COL27A1: variants seen among roughly 807,000 people sequenced by gnomAD.
COL27A1 encodes collagen type XXVII alpha 1 chain, also known as collagen alpha-1(XXVII) chain.
COL27A1 carries 106 observed loss-of-function variants against 251.3 expected under a neutral mutation model. The observed-to-expected ratio is 0.42, with a 90% CI of 0.36 to 0.50. The LOEUF (loss-of-function observed/expected upper bound fraction) is 0.50, where lower values mean the gene tolerates loss of function less well. COL27A1 is among the 20% of genes least tolerant of loss of function. COL27A1 has a pLI of 0.00. For missense variants in COL27A1, 2,325 were observed against 2,522.8 expected, an observed-to-expected ratio of 0.92 and a Z score of 1.68; for synonymous variants, 1,000 against 986.3, an observed-to-expected ratio of 1.01 and a Z score of -0.26.
rs2135381720 is a variant in COL27A1, at chr9:114,219,797, C to A, written c.2374C>A (p.Pro792Thr). 1.2e-6 allele frequency: 2 copies of A among 1,609,718 alleles called. No individual in the cohort carries two copies. Among genetic ancestry groups the A allele is most frequent in the African/African-American group, 2.7e-5 (2 of 74,912 alleles). Residue 792 changes from proline to threonine, a missense_variant, in exon 13 of 61, where the codon CCT becomes ACT. Around this residue, in one of 4 missense-constraint regions of COL27A1, gnomAD observed 1,183 missense variants for 1,144.1 expected, o/e 1.03. Coordinates refer to ENST00000356083, the MANE Select transcript of COL27A1 (RefSeq NM_032888.4). ...KRGKMGMPGF[P>T]GVFGERGPPG... ...TCTCTCTCATGCCCTCCAGGGGTTT[C>A]CTGGAGTCTTTGGGGAAAGAGGCCC...
intron 27 of COL27A1, among the ~76,000 whole-genome samples, chr9:114,253,297 AAG>A (rs1233875396): frequency 7.2e-6 from 1 of 138,714 alleles, no homozygotes; most frequent in Non-Finnish European, 1.5e-5. Context: ...GACAGAGAAA[AAG>A]AAAGAAAGAA....
intron 12 of COL27A1, among the ~76,000 whole-genome samples, chr9:114,216,946 G>T (rs892806481): frequency 6.6e-6 from 1 of 152,150 alleles, no homozygotes; most frequent in Non-Finnish European, 1.5e-5. Flanking sequence ...TCCAGTTGTA[G>T]CTAAGAGAAC....
Position 114,290,056 on chromosome 9 carries a change from A to C in COL27A1, c.4207-2A>C. ...TCCATCATGTGGCCCTTGATTTTTC[A>C]GGGACCAAAGGGAAAGCAAGGCAAG... On this transcript the variant is annotated splice_acceptor_variant, in intron 45 of 60. Coordinates refer to ENST00000356083, the MANE Select transcript of COL27A1 (RefSeq NM_032888.4). LOFTEE classifies it high-confidence loss of function. This position sits in a 1 kb window ranked among gnomAD's most constrained non-coding sequence, Gnocchi z 4.6. 1 of 1,611,624 alleles carries C rather than the reference A, an allele frequency of 6.2e-7. No homozygotes were observed. The highest frequency in any genetic ancestry group is 8.5e-7 in the Non-Finnish European group (1 of 1,179,938).
intron 58 of COL27A1, 144 bp downstream of exon 58, chr9:114,306,832 C>G: frequency 1.2e-6 from 1 of 837,906 alleles, no homozygotes; most frequent in South Asian, 1.8e-5. Context: ...ACTCAGCAGT[C>G]ACAGAGCCTC....
intron 41 of COL27A1, among the ~76,000 whole-genome samples, chr9:114,287,548 C>T (rs1452963873): frequency 4.6e-5 from 7 of 152,144 alleles, no homozygotes; most frequent in Non-Finnish European, 8.8e-5. Context: ...GACACAGTCT[C>T]ACTGCTGCTA....
chr9:114,273,211 G>A (rs1835267440), intron 36 of COL27A1: 1 of 152,292 alleles, frequency 6.6e-6, no homozygotes, highest in African/African-American at 2.4e-5. Flanking sequence ...CAGGTGGCCA[G>A]GACGACAAGC....
At chr9:114,160,581 T>C (rs536827981) in intron 1 of COL27A1, among the ~76,000 whole-genome samples, 2 of 150,418 alleles carry the variant, frequency 1.3e-5, no homozygotes, top group Non-Finnish European at 2.9e-5. Context: ...CACATGCCTG[T>C]AATCTCAGCT....
At chr9:114,300,988 G>C (rs1403268895) in intron 51 of COL27A1, 84 bp from the exon 52 acceptor site, 1 of 1,366,610 alleles carries the variant, frequency 7.3e-7, no homozygotes, top group Admixed American at 2.1e-5. Flanking sequence ...CCCTTGCGAC[G>C]CTCGGGCTGC....
chr9:114,201,165 C>T (rs1041231555), intron 7 of COL27A1, among the ~76,000 whole-genome samples: 7 of 152,326 alleles, frequency 4.6e-5, no homozygotes, highest in African/African-American at 9.6e-5. Flanking sequence ...TGTGGAGACC[C>T]GCCTGCTGGG....
intron 36 of COL27A1, 53 bp downstream of exon 36, chr9:114,270,834 C>T: frequency 7.6e-7 from 1 of 1,318,960 alleles, no homozygotes; most frequent in Non-Finnish European, 1.1e-6. Context: ...CATTGCTTTC[C>T]CATCCAAGAC....
At chr9:114,280,167 A>C (rs1016511624) in intron 37 of COL27A1, among the ~76,000 whole-genome samples, 7 of 152,164 alleles carry the variant, frequency 4.6e-5, no homozygotes, top group Admixed American at 1.3e-4. Flanking sequence ...AAGTTACTCC[A>C]AACAAGTTTT....
chr9:114,186,965 C>A (rs1425243807), intron 5 of COL27A1, among the ~76,000 whole-genome samples: 1 of 152,218 alleles, frequency 6.6e-6, no homozygotes, highest in Non-Finnish European at 1.5e-5. Flanking sequence ...GTGCTCCCTG[C>A]ACTGGGCCAT....
In COL27A1 at chr9:114,292,300, T is replaced by A; in HGVS notation, c.4584+90T>A. ...ACATGTACAAACACATGCACACTCA[T>A]ACACACACACAAACACACTGACCCA... On this transcript the variant is annotated intron_variant, in intron 49 of 60. Coordinates refer to ENST00000356083, the MANE Select transcript of COL27A1 (RefSeq NM_032888.4). 3.0e-6 allele frequency: 3 copies of A among 1,011,638 alleles called. No homozygotes were observed. The Admixed American group carries it at 6.7e-5, about 23-fold the overall frequency. 62.7% of individuals were successfully genotyped at this position (1,011,638 alleles called of 1,614,324 possible).
intron 16 of COL27A1, among the ~76,000 whole-genome samples, chr9:114,233,137 A>G (rs987570034): frequency 6.6e-6 from 1 of 152,234 alleles, no homozygotes; most frequent in African/African-American, 2.4e-5. Context: ...AGAGACCTCA[A>G]CTGTGAAGCA....
At chr9:114,210,726 T>C (rs889231144) in intron 11 of COL27A1, among the ~76,000 whole-genome samples, 1 of 152,198 alleles carries the variant, frequency 6.6e-6, no homozygotes, top group Admixed American at 6.5e-5. Context: ...TAGAGAACCT[T>C]AGGACAGCTG....
At chr9:114,283,797 C>A (rs1280111969) in intron 40 of COL27A1, 35 bp downstream of exon 40, 1 of 1,609,934 alleles carries the variant, frequency 6.2e-7, no homozygotes, top group African/African-American at 1.3e-5. Context: ...CCCCCCGACT[C>A]TGTCCTGCAG....
chr9:114,294,116 C>T (rs536994352), intron 49 of COL27A1, among the ~76,000 whole-genome samples: 66 of 150,848 alleles, frequency 4.4e-4, no homozygotes, highest in South Asian at 2.5e-3. Context: ...GGCGTGGTGG[C>T]GCACACCTGT....
rs200620156 is a variant in COL27A1 at position 114,282,412 on chromosome 9, C to T, written c.3772-45C>T. The T allele has an allele frequency of 1.5e-4, 239 of 1,607,998 alleles. 1 individual carries two copies. The South Asian group carries it at 2.0e-3, about 13-fold the overall frequency. The stretch of plus-strand genomic sequence containing the variant: ...ACATCCCTCCCCTCCCTGGACCCTC[C>T]GTCCTGTTGGGCCTGGTGACAGCTT... On this transcript the variant is annotated intron_variant, in intron 38 of 60. Transcript: ENST00000356083.
In COL27A1 at chr9:114,256,625, C is replaced by G. The variant is rs546642601; in HGVS notation, c.3142-1916C>G. Among the ~76,000 whole-genome samples the G allele has an allele frequency of 8.5e-5, 13 of 152,274 alleles. No homozygotes were observed. In the South Asian group the frequency reaches 2.1e-3, roughly 24 times the overall value. On this transcript the variant is annotated intron_variant, in intron 27 of 60. Transcript: ENST00000356083. ...GTCTAGCATTCAATTCTGACCTCCT[C>G]CTGCCTTGCGAGAGCAGGCAGCTAC...
Sources: allele counts gnomAD v4.1 joint callset (sites outside exome capture counted in the v4.1 genomes callset), GRCh38; gene constraint gnomAD v4.1.1; regional missense constraint gnomAD v4.1.1; non-coding constraint Gnocchi (gnomAD v3.1); transcripts MANE v1.5; gene names NCBI Gene and HGNC (gene_info 2026-07-23, HGNC 2026-07-21).